Variants in MICAL3 observed in about 807,000 individuals in gnomAD.
MICAL3 encodes microtubule associated monooxygenase, calponin and LIM domain containing 3.
A neutral mutation model predicts 207.4 loss-of-function variants in MICAL3; 62 were observed. The observed-to-expected ratio is 0.30, with a 90% CI of 0.24 to 0.37. MICAL3 has a LOEUF of 0.37. Ranked by LOEUF, MICAL3 falls within the 10% of genes least tolerant of loss-of-function variation. The probability of loss-of-function intolerance (pLI) is 1.00; values close to 1 mark genes in which losing one functional copy is unlikely to be tolerated. For missense variants in MICAL3, 2,368 were observed against 2,635.6 expected (o/e 0.90, Z 2.22); for synonymous variants, 1,077 against 1,069.3 (o/e 1.01, Z -0.14).
At position 17,841,143 on chromosome 22, in the gene MICAL3, C is replaced by T. The variant is rs1393110629; in HGVS notation, c.2801+679G>A. The stretch of plus-strand genomic sequence containing the variant: ...TGCAGCCTGTGTTTCTGTCCTGAAG[C>T]CCCACAGGACACCGGACCCCCTTTT... On this transcript the variant is annotated intron_variant, in intron 20 of 31. Transcript: ENST00000441493. This position sits in a 1 kb window ranked among gnomAD's most constrained non-coding sequence, Gnocchi z 4.2. 1 of 152,628 alleles carries T rather than the reference C, an allele frequency of 6.6e-6. No homozygotes were observed. The highest frequency in any genetic ancestry group is 1.5e-5 in the Non-Finnish European group (1 of 68,374). 9.5% of individuals were successfully genotyped at this position (152,628 alleles called of 1,614,324 possible).
At chr22:17,980,742 TCCGTCTTATCATTCCGC>T (rs374324927) in intron 1 of MICAL3, 80 of 446,744 alleles carry the variant, frequency 1.8e-4, no homozygotes, top group South Asian at 9.5e-4. Context: ...TGCCACAGTT[TCCGTCTTATCATTCCGC>T]CCGTCTTATC....
intron 19 of MICAL3, among the ~76,000 whole-genome samples, chr22:17,853,420 G>A (rs1231708856): frequency 1.3e-5 from 2 of 152,220 alleles, no homozygotes; most frequent in Admixed American, 6.5e-5. Context: ...AGCAGGCACA[G>A]GCCAGAGAGG....
chr22:17,918,527 G>A (rs1357042555), intron 1 of MICAL3, among the ~76,000 whole-genome samples: 2 of 152,068 alleles, frequency 1.3e-5, no homozygotes, highest in East Asian at 1.9e-4. Context: ...CACATATCAC[G>A]TAGCCTCTAG....
chr22:17,813,992 C>G (rs1401172881), intron 27 of MICAL3: 1 of 152,202 alleles, frequency 6.6e-6, no homozygotes, highest in East Asian at 1.9e-4. Flanking sequence ...CTATAATAAA[C>G]ATTTTAAATA....
intron 1 of MICAL3, among the ~76,000 whole-genome samples, chr22:17,997,928 C>CA (rs35872228): frequency 1.5e-3 from 212 of 141,664 alleles, no homozygotes; most frequent in Middle Eastern, 7.1e-3. Flanking sequence ...CTTCCGCTTC[C>CA]AAAAAAAAAA....
chr22:18,001,973 G>A (rs1369014898), intron 1 of MICAL3, among the ~76,000 whole-genome samples: 1 of 151,998 alleles, frequency 6.6e-6, no homozygotes, highest in Non-Finnish European at 1.5e-5. Context: ...CGAGGCATGC[G>A]GATCACTTGA....
At chr22:17,824,783 T>C (rs1400706213) in intron 22 of MICAL3, among the ~76,000 whole-genome samples, 1 of 152,218 alleles carries the variant, frequency 6.6e-6, no homozygotes, top group Non-Finnish European at 1.5e-5. Flanking sequence ...CAAGTATTTC[T>C]ATTGGTTAAA....
At chr22:17,999,560 G>T (rs572331038) in intron 1 of MICAL3, among the ~76,000 whole-genome samples, 2 of 152,132 alleles carry the variant, frequency 1.3e-5, no homozygotes, top group African/African-American at 4.8e-5. Flanking sequence ...CAAGGACTGT[G>T]CTAAGTTCTT....
At chr22:17,821,347 G>T in intron 25 of MICAL3, 80 bp downstream of exon 25, 1 of 1,271,544 alleles carries the variant, frequency 7.9e-7, no homozygotes, top group Non-Finnish European at 1.1e-6. Flanking sequence ...CACACCATGG[G>T]CCCTGAAACA....
intron 19 of MICAL3, among the ~76,000 whole-genome samples, chr22:17,844,167 G>A (rs980657171): frequency 1.3e-5 from 2 of 152,004 alleles, no homozygotes; most frequent in Non-Finnish European, 2.9e-5. Context: ...CCTTCAAGGA[G>A]GCAGAGAAGG....
Position 17,818,804 on chromosome 22 carries a change from G to C in MICAL3, c.3857C>G (p.Pro1286Arg). The C allele has an allele frequency of 6.4e-7, 1 of 1,569,360 alleles. No individual in the cohort carries two copies. The highest frequency in any genetic ancestry group is 1.3e-5 in the African/African-American group (1 of 74,270). The stretch of plus-strand genomic sequence containing the variant: ...GGCCAGTGGGGTGGATGTTTTGGCC[G>C]GGGCAGGCTGGAAGCGTATGGGGGA... Reference protein sequence around the residue: ...TQSPIRFQPAPAKTSTPLAPL... With the variant: ...TQSPIRFQPARAKTSTPLAPL... Residue 1286 changes from proline to arginine, a missense_variant, in exon 26 of 32, where the codon CCG becomes CGG. Transcript: ENST00000441493.
intron 29 of MICAL3, among the ~76,000 whole-genome samples, chr22:17,801,916 C>A (rs1266025380): frequency 6.6e-6 from 1 of 151,856 alleles, no homozygotes; most frequent in South Asian, 2.1e-4. Context: ...CAAACAACAA[C>A]AACAACAACA....
chr22:17,918,264 G>A (rs982604047), intron 1 of MICAL3, among the ~76,000 whole-genome samples: 22 of 151,214 alleles, frequency 1.5e-4, no homozygotes, highest in African/African-American at 3.9e-4. Context: ...CTGGCGGACA[G>A]AACGAGACTG....
At chr22:17,923,996 G>A (rs1932856350) in intron 1 of MICAL3, among the ~76,000 whole-genome samples, 2 of 152,194 alleles carry the variant, frequency 1.3e-5, no homozygotes, top group African/African-American at 4.8e-5. Flanking sequence ...TCACATGGCA[G>A]CAACAAGGAG....
rs1931589170 is a variant in MICAL3, at chr22:17,904,692, G to A, written c.412C>T (p.Arg138Ter). 1 of 1,614,006 alleles carries A rather than the reference G, an allele frequency of 6.2e-7. No homozygotes were observed. The highest frequency in any genetic ancestry group is 1.1e-5 in the South Asian group (1 of 91,094). Residue 138 changes from arginine to a stop codon, truncating the protein, a stop_gained, in exon 3 of 32, where the codon CGA becomes TGA. Transcript: ENST00000441493. LOFTEE classifies it high-confidence loss of function. The stretch of plus-strand genomic sequence containing the variant: ...TAGAACTTCTTGGCACCCAGACCTC[G>A]TAGATCATGTATGGTGAATGGCCAG... ...HLWPFTIHDL[R>*]GLGAKKFYGK...
At chr22:17,919,457 G>C (rs2146294344) in intron 1 of MICAL3, among the ~76,000 whole-genome samples, 1 of 152,326 alleles carries the variant, frequency 6.6e-6, no homozygotes, top group East Asian at 1.9e-4. Flanking sequence ...CTTGCACCTG[G>C]AACAGTCCCT....
chr22:17,875,680 A>C (rs1928237718), intron 16 of MICAL3: 1 of 249,582 alleles, frequency 4.0e-6, no homozygotes, highest in African/African-American at 3.5e-5. Flanking sequence ...TACCATGTAT[A>C]GTAAAAAAAA....
chr22:17,971,898 A>G (rs1159964490), intron 1 of MICAL3, among the ~76,000 whole-genome samples: 1 of 152,228 alleles, frequency 6.6e-6, no homozygotes, highest in Non-Finnish European at 1.5e-5. Flanking sequence ...CACAGGCGAC[A>G]ATGCACATGG....
chr22:17,892,177 C>T (rs542452609), intron 11 of MICAL3, among the ~76,000 whole-genome samples: 152 of 152,372 alleles, frequency 1.0e-3, no homozygotes, highest in Non-Finnish European at 1.6e-3. Context: ...CCGCTGACAA[C>T]CCTGGGGCCC....
Sources: allele counts gnomAD v4.1 joint callset (sites outside exome capture counted in the v4.1 genomes callset), GRCh38; gene constraint gnomAD v4.1.1; non-coding constraint Gnocchi (gnomAD v3.1); transcripts MANE v1.5; gene names NCBI Gene and HGNC (gene_info 2026-07-23, HGNC 2026-07-21).